Variants in TTLL7 observed in about 807,000 individuals in gnomAD.
TTLL7 encodes tubulin tyrosine ligase like 7, also known as tubulin polyglutamylase TTLL7.
Under a neutral mutation model 120.2 loss-of-function variants are expected in TTLL7, and 53 were observed. The observed-to-expected ratio is 0.44, with a 90% CI of 0.35 to 0.55. TTLL7 has a LOEUF of 0.55. Ranked by LOEUF, TTLL7 falls within the 20% of genes least tolerant of loss-of-function variation. The pLI is 0.00. For synonymous variants in TTLL7, 353 were observed against 351.7 expected, an observed-to-expected ratio of 1.00 and a Z score of -0.04; for missense variants, 803 against 1,054.7, an observed-to-expected ratio of 0.76 and a Z score of 3.31.
intron 18 of TTLL7, among the ~76,000 whole-genome samples, chr1:83,892,610 A>G (rs1039406228): frequency 3.8e-4 from 55 of 143,652 alleles, no homozygotes; most frequent in Non-Finnish European, 7.6e-4. Context: ...GAACATATAT[A>G]TGAACATATA....
intron 1 of TTLL7, among the ~76,000 whole-genome samples, chr1:83,994,677 A>C (rs1653322860): frequency 6.6e-6 from 1 of 152,184 alleles, no homozygotes; most frequent in Non-Finnish European, 1.5e-5. Context: ...GGGAGGCAGG[A>C]GAGGTCTTTA....
At chr1:83,879,478 C>T (rs549056422) in intron 20 of TTLL7, among the ~76,000 whole-genome samples, 19 of 152,082 alleles carry the variant, frequency 1.2e-4, no homozygotes, top group Non-Finnish European at 2.2e-4. Context: ...TTCTTGCTCA[C>T]CTGCCAATGC....
intron 19 of TTLL7, chr1:83,885,243 G>A (rs1654881863): frequency 6.5e-6 from 1 of 152,870 alleles, no homozygotes; most frequent in African/African-American, 2.4e-5. Context: ...GGGATTTTGG[G>A]TATGTCTATA....
intron 20 of TTLL7, among the ~76,000 whole-genome samples, chr1:83,878,699 T>G (rs1481901785): frequency 2.0e-5 from 3 of 152,018 alleles, no homozygotes; most frequent in Non-Finnish European, 4.4e-5. Context: ...AGTGCTAACT[T>G]GGTGGTTTTT....
At chr1:83,940,766 ATTC>A (rs1647878039) in intron 7 of TTLL7, among the ~76,000 whole-genome samples, 1 of 152,132 alleles carries the variant, frequency 6.6e-6, no homozygotes, top group South Asian at 2.1e-4. Flanking sequence ...TTTACATATT[ATTC>A]AAAATATATG....
intron 16 of TTLL7, 84 bp from the exon 17 acceptor site, chr1:83,906,547 A>T (rs747605234): frequency 1.3e-6 from 2 of 1,582,830 alleles, no homozygotes; most frequent in East Asian, 2.3e-5. Flanking sequence ...CTAGGTAAAA[A>T]TGATGCACTT....
rs371222408 is a variant in TTLL7, at chr1:83,911,376, G to T, written c.1588-13C>A. The T allele has an allele frequency of 4.4e-6, 7 of 1,581,780 alleles. No individual in the cohort carries two copies. The highest frequency in any genetic ancestry group is 6.0e-6 in the Non-Finnish European group (7 of 1,163,480). On this transcript the variant is annotated splice_polypyrimidine_tract_variant and intron_variant, in intron 14 of 20. Coordinates refer to ENST00000260505, the MANE Select transcript of TTLL7 (RefSeq NM_024686.6). ...TAGAACACAGAGGCTAAAAAAGATG[G>T]AAATGTGTTATTTTGTTAGAATTCT...
At chr1:83,896,667 C>A (rs928092328) in intron 18 of TTLL7, among the ~76,000 whole-genome samples, 1 of 151,944 alleles carries the variant, frequency 6.6e-6, no homozygotes, top group African/African-American at 2.4e-5. Context: ...GCAGAAGCAG[C>A]CACAGTAGGT....
Position 83,892,928 on chromosome 1 carries a change from G to GAGAAAGAAAGAAAGAAA in TTLL7, c.2209-2464_2209-2448dup, listed in dbSNP as rs1553129436. 9.2e-4 allele frequency among the ~76,000 whole-genome samples: 95 copies of GAGAAAGAAAGAAAGAAA among 102,712 alleles called. 2 individuals are homozygous for GAGAAAGAAAGAAAGAAA. Among genetic ancestry groups the GAGAAAGAAAGAAAGAAA allele is most frequent in the African/African-American group, 5.2e-3 (92 of 17,656 alleles). The allele number at this position is 102,712 out of a possible 152,430, so 67.4% of individuals were successfully genotyped here. A position where few individuals can be genotyped will look rare whatever the true frequency, so the allele number is the denominator to read the frequency against. On this transcript the variant is annotated intron_variant, in intron 18 of 20. Coordinates refer to ENST00000260505, the MANE Select transcript of TTLL7 (RefSeq NM_024686.6). ...AGGAAAAAGAAAAAAGAAAGAAAAA[G>GAGAAAGAAAGAAAGAAA]AGAAAGAAAGAAAGAAAGAAAGAAA...
intron 1 of TTLL7, among the ~76,000 whole-genome samples, chr1:83,963,051 C>T (rs1244857788): frequency 1.3e-5 from 2 of 152,100 alleles, no homozygotes; most frequent in Non-Finnish European, 2.9e-5. Flanking sequence ...TCATTTTTGC[C>T]ATAGCCTGCT....
At position 83,874,185 on chromosome 1, in the gene TTLL7, AT is replaced by A. The variant is rs531543439; in HGVS notation, c.2544-4104del. Among the ~76,000 whole-genome samples, 100 of 152,038 alleles carry A rather than the reference AT, an allele frequency of 6.6e-4. 1 individual carries two copies. The highest frequency in any genetic ancestry group is 6.8e-3 in the Middle Eastern group (2 of 294). ...AATATCTATTCTATTTTCTGTCTCTATGAGTTTGCATATTATACATGCCTCA... is the reference window on the plus strand; with the variant it reads ...AATATCTATTCTATTTTCTGTCTCTAGAGTTTGCATATTATACATGCCTCA... On this transcript the variant is annotated intron_variant, in intron 20 of 20. Coordinates refer to ENST00000260505, the MANE Select transcript of TTLL7 (RefSeq NM_024686.6).
intron 14 of TTLL7, among the ~76,000 whole-genome samples, chr1:83,911,695 T>A (rs1412155647): frequency 1.3e-5 from 2 of 152,030 alleles, no homozygotes; most frequent in Non-Finnish European, 2.9e-5. Context: ...AGAAATATAA[T>A]CAGCTTTTTT....
intron 20 of TTLL7, among the ~76,000 whole-genome samples, chr1:83,870,355 A>G (rs1345342508): frequency 6.6e-6 from 1 of 152,218 alleles, no homozygotes; most frequent in African/African-American, 2.4e-5. Flanking sequence ...ATGTTAATTT[A>G]GAATTCATTA....
At chr1:83,906,551 T>A in intron 16 of TTLL7, 88 bp from the exon 17 acceptor site, 1 of 1,574,020 alleles carries the variant, frequency 6.4e-7, no homozygotes, top group Non-Finnish European at 8.7e-7. Flanking sequence ...GTAAAAATGA[T>A]GCACTTTTAA....
At chr1:83,883,457 A>G (rs1435584133) in intron 19 of TTLL7, among the ~76,000 whole-genome samples, 1 of 151,866 alleles carries the variant, frequency 6.6e-6, no homozygotes, top group Non-Finnish European at 1.5e-5. Flanking sequence ...AGGCACAATC[A>G]TGATGCACTA....
At chr1:83,918,014 G>A (rs2100788150) in intron 13 of TTLL7, among the ~76,000 whole-genome samples, 1 of 152,138 alleles carries the variant, frequency 6.6e-6, no homozygotes, top group East Asian at 1.9e-4. Flanking sequence ...AAAATTTCTG[G>A]AAAGTTCATG....
chr1:83,984,519 C>T (rs543593603), intron 1 of TTLL7, among the ~76,000 whole-genome samples: 2 of 152,328 alleles, frequency 1.3e-5, no homozygotes, highest in African/African-American at 4.8e-5. Flanking sequence ...GACATGAAAT[C>T]AACCGAGGTG....
chr1:83,899,067 T>C (rs544535614), intron 18 of TTLL7, among the ~76,000 whole-genome samples: 144 of 151,926 alleles, frequency 9.5e-4, no homozygotes, highest in African/African-American at 3.4e-3. Flanking sequence ...GGGTTAACTT[T>C]ATAAAAATGG....
chr1:83,866,394 A>T lies in TTLL7; in HGVS notation c.*3568T>A, dbSNP rs1158549416. The T allele has an allele frequency of 6.6e-6, 1 of 151,904 alleles. No individual in the cohort carries two copies. The highest frequency in any genetic ancestry group is 1.9e-4 in the East Asian group (1 of 5,194). 9.4% of individuals were successfully genotyped at this position (151,904 alleles called of 1,614,324 possible). On this transcript the variant is annotated 3_prime_UTR_variant, in exon 21 of 21. Transcript: ENST00000260505. ...TCTGAAATTTCAAGTTAGATACAAA[A>T]TTCCATACTCATATATTTTACAAAT...
Sources: gnomAD v4.1 joint callset for allele counts (sites outside exome capture counted in the v4.1 genomes callset) on GRCh38, gnomAD v4.1.1 for gene constraint, MANE v1.5 for transcripts, NCBI Gene and HGNC (gene_info 2026-07-23, HGNC 2026-07-21) for gene names.